Variants in ABI2 observed in about 807,000 individuals in gnomAD.
The protein encoded by ABI2 is abl interactor 2.
A neutral mutation model predicts 59.2 loss-of-function variants in ABI2; 25 were observed. That is an observed-to-expected ratio of 0.42 (90% CI 0.31 to 0.59). ABI2 has a LOEUF of 0.59. Ranked by LOEUF, ABI2 falls within the 20% of genes least tolerant of loss-of-function variation. The probability of loss-of-function intolerance (pLI) is 0.14; values close to 1 mark genes in which losing one functional copy is unlikely to be tolerated. For missense variants in ABI2, 545 were observed against 681.8 expected, an observed-to-expected ratio of 0.80 and a Z score of 2.23; for synonymous variants, 213 against 235.5, an observed-to-expected ratio of 0.90 and a Z score of 0.87.
chr2:203,401,405 T>G (rs552324271), intron 8 of ABI2, among the ~76,000 whole-genome samples: 10 of 152,256 alleles, frequency 6.6e-5, no homozygotes, highest in African/African-American at 1.7e-4. Context: ...TTGTGCTCTC[T>G]CATGGGTGCT....
At chr2:203,364,382 C>G (rs1431779744) in intron 1 of ABI2, among the ~76,000 whole-genome samples, 4 of 152,318 alleles carry the variant, frequency 2.6e-5, no homozygotes. Flanking sequence ...GCGTGAGCCA[C>G]TGTGGCTGGC....
chr2:203,411,845 T>G (rs1276084547), intron 10 of ABI2, among the ~76,000 whole-genome samples: 1 of 152,204 alleles, frequency 6.6e-6, no homozygotes, highest in East Asian at 1.9e-4. Flanking sequence ...TGAATTTCCC[T>G]TGGCCTGTTC....
intron 1 of ABI2, among the ~76,000 whole-genome samples, chr2:203,343,385 T>C (rs1358022855): frequency 2.0e-5 from 3 of 152,190 alleles, no homozygotes; most frequent in African/African-American, 4.8e-5. Flanking sequence ...AAATTTAATG[T>C]TAGCAGGTTA....
intron 11 of ABI2, among the ~76,000 whole-genome samples, chr2:203,418,004 C>T (rs968350305): frequency 5.3e-5 from 8 of 151,820 alleles, no homozygotes; most frequent in Non-Finnish European, 5.9e-5. Flanking sequence ...TTTCTGGAGA[C>T]GAAAAACACA....
At chr2:203,383,221 A>G (rs1318489939) in intron 4 of ABI2, 2 of 154,776 alleles carry the variant, frequency 1.3e-5, no homozygotes, top group East Asian at 3.8e-4. Context: ...AAGGCCACAC[A>G]ACTTTCCCCT....
intron 2 of ABI2, chr2:203,375,980 A>C: frequency 8.5e-7 from 1 of 1,174,878 alleles, no homozygotes; most frequent in Non-Finnish European, 1.2e-6. Context: ...CAAGAATGCA[A>C]ATTATACCGT....
chr2:203,333,797 G>A (rs901231287), intron 1 of ABI2, among the ~76,000 whole-genome samples: 13 of 152,080 alleles, frequency 8.5e-5, no homozygotes, highest in African/African-American at 2.4e-4. Flanking sequence ...GAACTTAAGT[G>A]ACCTCATAAT....
Position 203,366,996 on chromosome 2 carries a change from G to C in ABI2, c.237G>C (p.Gln79His). 1 of 1,613,512 alleles carries C rather than the reference G, an allele frequency of 6.2e-7. No individual in the cohort carries two copies. The highest frequency in any genetic ancestry group is 8.5e-7 in the Non-Finnish European group (1 of 1,179,724). Residue 79 changes from glutamine (Q) to histidine (H), a missense_variant, in exon 2 of 12, where the codon CAG becomes CAC. Around this residue, in one of 4 missense-constraint regions of ABI2, gnomAD observed 36 missense variants for 80.0 expected, o/e 0.45. Coordinates refer to ENST00000261018, the MANE Select transcript of ABI2 (RefSeq NM_001375670.1). ...ANNVLQMLDIQASQLRRMESS... is the reference protein window; with the variant it reads ...ANNVLQMLDIHASQLRRMESS... ...ATGTCCTGCAGATGCTGGATATCCA[G>C]GCATCCCAGCTACGAAGGATGGAAT...
At position 203,428,311 on chromosome 2, in the gene ABI2, A is replaced by G. The variant is rs934499011; in HGVS notation, c.*959A>G. The G allele has an allele frequency of 2.0e-5, 3 of 152,616 alleles. No homozygotes were observed. Among genetic ancestry groups the G allele is most frequent in the Non-Finnish European group, 4.4e-5 (3 of 68,038 alleles). The allele number at this position is 152,616 out of a possible 1,614,324, so 9.5% of individuals were successfully genotyped here. A position where few individuals can be genotyped will look rare whatever the true frequency, so the allele number is the denominator to read the frequency against. The stretch of plus-strand genomic sequence containing the variant: ...TTCCTTCACTATCTAGAAAAACGCT[A>G]TTCTACTTTGGAAGAGAATAGTAGT... On this transcript the variant is annotated 3_prime_UTR_variant, in exon 12 of 12. Transcript: ENST00000261018.
Position 203,391,039 on chromosome 2 carries a change from T to G in ABI2, c.481-7T>G. 6.2e-7 allele frequency: 1 copy of G among 1,612,928 alleles called. No individual in the cohort carries two copies. The highest frequency in any genetic ancestry group is 8.5e-7 in the Non-Finnish European group (1 of 1,179,326). ...ATACAAGTTGAGTTTTCCTTAAAAT[T>G]TTTTAGGTGAGTACCCAGAACATGA... is the stretch of plus-strand genomic sequence containing the variant. On this transcript the variant is annotated splice_region_variant and splice_polypyrimidine_tract_variant and intron_variant, in intron 4 of 11. Transcript: ENST00000261018.
At chr2:203,349,017 C>G (rs957986704) in intron 1 of ABI2, among the ~76,000 whole-genome samples, 8 of 151,852 alleles carry the variant, frequency 5.3e-5, no homozygotes, top group Admixed American at 4.6e-4. Flanking sequence ...ACTGCAGCCT[C>G]TACCTCGTGG....
chr2:203,380,139 A>G (rs1460654337), intron 2 of ABI2, 69 bp from the exon 3 acceptor site: 1 of 928,046 alleles, frequency 1.1e-6, no homozygotes, highest in Non-Finnish European at 1.6e-6. Context: ...CTCTAGGCAT[A>G]TATATTTTGA....
At chr2:203,374,940 T>C (rs1033194375) in intron 2 of ABI2, 1 of 424,282 alleles carries the variant, frequency 2.4e-6, no homozygotes, top group Non-Finnish European at 4.9e-6. Context: ...AAATATTTTA[T>C]ACAGTACCTT....
chr2:203,363,938 A>G (rs1394028136), intron 1 of ABI2, among the ~76,000 whole-genome samples: 1 of 149,382 alleles, frequency 6.7e-6, no homozygotes, highest in Admixed American at 6.7e-5. Context: ...CTAATTTTGT[A>G]TTTTTAGTAG....
intron 10 of ABI2, among the ~76,000 whole-genome samples, chr2:203,412,667 C>G (rs1269769786): frequency 1.5e-4 from 23 of 152,136 alleles, no homozygotes. Context: ...TCTTCTTTAG[C>G]TTGGGTGTGA....
intron 4 of ABI2, chr2:203,386,527 A>G: frequency 1.4e-6 from 1 of 740,148 alleles, no homozygotes; most frequent in Non-Finnish European, 1.6e-6. Context: ...AGTTTAAGAA[A>G]TTATTAGGGA....
At chr2:203,330,943 C>G (rs1257252325) in intron 1 of ABI2, among the ~76,000 whole-genome samples, 1 of 152,054 alleles carries the variant, frequency 6.6e-6, no homozygotes, top group African/African-American at 2.4e-5. Flanking sequence ...AAAAACGTTA[C>G]TACTATCAAT....
chr2:203,336,990 G>C (rs952513230), intron 1 of ABI2, among the ~76,000 whole-genome samples: 4 of 152,030 alleles, frequency 2.6e-5, no homozygotes, highest in Non-Finnish European at 5.9e-5. Context: ...TCTCTTGTTA[G>C]TGATGTCTCA....
chr2:203,426,212 CTAACAAA>C (rs1445503420), intron 11 of ABI2, among the ~76,000 whole-genome samples: 2 of 152,082 alleles, frequency 1.3e-5, no homozygotes, highest in African/African-American at 4.8e-5. Flanking sequence ...GCATGAGAAA[CTAACAAA>C]GACAGTGTGT....
Sources: allele counts gnomAD v4.1 joint callset (sites outside exome capture counted in the v4.1 genomes callset), GRCh38; gene constraint gnomAD v4.1.1; regional missense constraint gnomAD v4.1.1; transcripts MANE v1.5; gene names NCBI Gene and HGNC (gene_info 2026-07-23, HGNC 2026-07-21).